Variants in RAB38 observed in about 807,000 individuals in gnomAD.
The protein encoded by RAB38 is ras-related protein Rab-38.
Under a neutral mutation model 18.4 loss-of-function variants are expected in RAB38, and 15 were observed. That is an observed-to-expected ratio of 0.82 (90% confidence interval 0.55 to 1.26). The LOEUF is 1.26. Ranked by LOEUF, RAB38 falls within the 50% of genes most tolerant of loss-of-function variation. The probability of loss-of-function intolerance (pLI) is 0.00; values close to 1 mark genes in which losing one functional copy is unlikely to be tolerated. For missense variants in RAB38, 294 were observed against 267.4 expected, an observed-to-expected ratio of 1.10 and a Z score of -0.69; for synonymous variants, 101 against 104.4, an observed-to-expected ratio of 0.97 and a Z score of 0.20.
chr11:88,023,096 C>T, the RAB38 span, among the ~76,000 whole-genome samples: 13 of 151,828 alleles, frequency 8.6e-5, no homozygotes, highest in East Asian at 2.1e-3. Context: ...TACAACAAAC[C>T]CTGATGACAT....
chr11:88,032,442 C>A, the RAB38 span, among the ~76,000 whole-genome samples: 1 of 152,120 alleles, frequency 6.6e-6, no homozygotes, highest in Non-Finnish European at 1.5e-5. Flanking sequence ...AGTGAACAGG[C>A]AACCTACAAA....
At chr11:88,149,998 C>A in intron 1 of RAB38, 43 bp from the exon 2 acceptor site, 1 of 1,560,954 alleles carries the variant, frequency 6.4e-7, no homozygotes, top group African/African-American at 1.4e-5. Flanking sequence ...ATTAAAATTG[C>A]AAACTGAATC....
the RAB38 span, among the ~76,000 whole-genome samples, chr11:88,014,753 G>C: frequency 6.6e-6 from 1 of 152,090 alleles, no homozygotes; most frequent in Non-Finnish European, 1.5e-5. Context: ...CTTAAGAATG[G>C]GTGGGGACAA....
chr11:88,023,959 G>T, the RAB38 span, among the ~76,000 whole-genome samples: 78,312 of 151,932 alleles, frequency 0.52, 21,703 homozygotes, highest in Non-Finnish European at 0.62. Context: ...AAAACATTGA[G>T]GAAACTCTCC....
the RAB38 span, among the ~76,000 whole-genome samples, chr11:87,873,949 T>TATATATATATATATATAC: frequency 9.8e-3 from 1,342 of 137,626 alleles, 48 homozygotes; most frequent in Admixed American, 0.042. Flanking sequence ...TATATATATA[T>TATATATATATATATATAC]ACTCTGCATA....
chr11:87,861,209 G>T, the RAB38 span, among the ~76,000 whole-genome samples: 2 of 151,990 alleles, frequency 1.3e-5, no homozygotes, highest in South Asian at 4.2e-4. Context: ...GAAGAAGATG[G>T]ATGCTTAACA....
At chr11:88,067,525 A>T in the RAB38 span, among the ~76,000 whole-genome samples, 2 of 152,188 alleles carry the variant, frequency 1.3e-5, no homozygotes, top group Admixed American at 6.5e-5. Context: ...AATAACATTG[A>T]TTGGGTCTTA....
chr11:88,086,478 G>C, the RAB38 span, among the ~76,000 whole-genome samples: 5 of 151,868 alleles, frequency 3.3e-5, no homozygotes, highest in African/African-American at 1.2e-4. Context: ...GTTAAAGTTT[G>C]ACAATTGTTT....
At chr11:87,957,547 C>T in the RAB38 span, among the ~76,000 whole-genome samples, 1 of 152,096 alleles carries the variant, frequency 6.6e-6, no homozygotes, top group Non-Finnish European at 1.5e-5. Context: ...TAATAGTAAT[C>T]AACTGCGAGG....
At chr11:88,027,891 C>T in the RAB38 span, among the ~76,000 whole-genome samples, 4 of 152,180 alleles carry the variant, frequency 2.6e-5, no homozygotes, top group African/African-American at 9.7e-5. Flanking sequence ...TCCCAGCATG[C>T]AGCTGGAGAT....
the RAB38 span, among the ~76,000 whole-genome samples, chr11:88,074,309 T>G: frequency 2.8e-4 from 43 of 152,246 alleles, no homozygotes; most frequent in African/African-American, 9.1e-4. Flanking sequence ...AAAAGACTAA[T>G]GTATCAGAAA....
At chr11:88,089,476 G>C in the RAB38 span, among the ~76,000 whole-genome samples, 2 of 151,844 alleles carry the variant, frequency 1.3e-5, no homozygotes, top group African/African-American at 4.8e-5. Flanking sequence ...AGGGAGTCTG[G>C]GTCTGCATTA....
chr11:87,882,884 A>T, the RAB38 span, among the ~76,000 whole-genome samples: 1 of 151,996 alleles, frequency 6.6e-6, no homozygotes, highest in East Asian at 2.0e-4. Context: ...GAAAAAAAAT[A>T]AGTTTGGCTG....
At chr11:88,134,965 C>T (rs943412306) in intron 2 of RAB38, among the ~76,000 whole-genome samples, 1 of 152,192 alleles carries the variant, frequency 6.6e-6, no homozygotes, top group Non-Finnish European at 1.5e-5. Flanking sequence ...CACTGGCTGC[C>T]TTGCTGTTCC....
the RAB38 span, among the ~76,000 whole-genome samples, chr11:87,855,802 TTAAA>T: frequency 1.3e-5 from 2 of 151,136 alleles, no homozygotes; most frequent in Non-Finnish European, 3.0e-5. Flanking sequence ...TATTAATCCT[TTAAA>T]TAAACATAAA....
chr11:88,160,414 G>A (rs961878660), intron 1 of RAB38, among the ~76,000 whole-genome samples: 3 of 152,136 alleles, frequency 2.0e-5, no homozygotes, highest in African/African-American at 7.2e-5. Context: ...ATGGAAAGCA[G>A]TTTGGAGATT....
the RAB38 span, among the ~76,000 whole-genome samples, chr11:87,975,049 G>A: frequency 6.6e-6 from 1 of 151,836 alleles, no homozygotes; most frequent in Admixed American, 6.6e-5. Flanking sequence ...CCAGGTGATT[G>A]CCAGCAATCC....
At chr11:88,116,579 G>T (rs1942555806) in intron 2 of RAB38, among the ~76,000 whole-genome samples, 1 of 152,222 alleles carries the variant, frequency 6.6e-6, no homozygotes, top group Non-Finnish European at 1.5e-5. Context: ...TGACATCAAA[G>T]CCTGGCTTTT....
intron 1 of RAB38, among the ~76,000 whole-genome samples, chr11:88,164,803 T>G (rs1693241835): frequency 6.6e-6 from 1 of 152,042 alleles, no homozygotes; most frequent in Admixed American, 6.6e-5. Context: ...CTGTAGCCTC[T>G]AGAGTCTAGT....
Sources: allele counts gnomAD v4.1 joint callset (sites outside exome capture counted in the v4.1 genomes callset), GRCh38; gene constraint gnomAD v4.1.1; transcripts MANE v1.5; gene names NCBI Gene and HGNC (gene_info 2026-07-23, HGNC 2026-07-21).